DSCAML1: variants seen among roughly 807,000 people sequenced by gnomAD.
The protein encoded by DSCAML1 is cell adhesion molecule DSCAML1.
A neutral mutation model predicts 200.5 loss-of-function variants in DSCAML1; 38 were observed. The ratio of observed to expected loss-of-function variants is 0.19; its 90% confidence interval spans 0.15 to 0.25. DSCAML1 has a LOEUF of 0.25. DSCAML1 is among the 10% of genes least tolerant of loss of function. The pLI is 1.00. For synonymous variants in DSCAML1, 1,215 were observed against 1,165.0 expected, an observed-to-expected ratio of 1.04 and a Z score of -0.87; for missense variants, 2,223 against 2,858.8, an observed-to-expected ratio of 0.78 and a Z score of 5.07.
At chr11:117,476,839 G>A (rs2137197696) in intron 14 of DSCAML1, among the ~76,000 whole-genome samples, 1 of 152,254 alleles carries the variant, frequency 6.6e-6, no homozygotes, top group Non-Finnish European at 1.5e-5. Context: ...AGAAATCCTG[G>A]CAAAGGCACA....
At chr11:117,702,552 C>T (rs141583729) in intron 3 of DSCAML1, among the ~76,000 whole-genome samples, 32 of 152,228 alleles carry the variant, frequency 2.1e-4, no homozygotes, top group Non-Finnish European at 4.7e-4. Context: ...AATTCCCATT[C>T]CACACTGTCA....
rs115328529 is a variant in DSCAML1 at position 117,759,006 on chromosome 11, C to T, written c.511+17785G>A. ...AGCAACTCCATCTTGCAAACACACACGCTGATATGCACATTAACTAATTCT... is the reference window on the plus strand; with the variant it reads ...AGCAACTCCATCTTGCAAACACACATGCTGATATGCACATTAACTAATTCT... On this transcript the variant is annotated intron_variant, in intron 3 of 32. Transcript: ENST00000651296. Among the ~76,000 whole-genome samples the T allele has an allele frequency of 2.3e-3, 355 of 152,292 alleles. 2 individuals are homozygous for T. Among genetic ancestry groups the T allele is most frequent in the African/African-American group, 8.1e-3 (336 of 41,552 alleles).
At chr11:117,726,899 C>A (rs912194169) in intron 3 of DSCAML1, among the ~76,000 whole-genome samples, 1 of 151,958 alleles carries the variant, frequency 6.6e-6, no homozygotes, top group African/African-American at 2.4e-5. Flanking sequence ...GGGTAGCAGC[C>A]AAAGCAACAG....
chr11:117,508,510 C>T (rs147167568), intron 8 of DSCAML1, among the ~76,000 whole-genome samples: 9 of 151,480 alleles, frequency 5.9e-5, no homozygotes, highest in African/African-American at 1.7e-4. Flanking sequence ...GCAGGGGGTA[C>T]GGCAAGCACA....
chr11:117,505,580 C>G lies in DSCAML1; in HGVS notation c.1936G>C (p.Glu646Gln), dbSNP rs1416341283. The change falls in exon 9 of 33, where the codon GAG becomes CAG. Residue 646 changes from glutamate to glutamine, a missense_variant. Coordinates refer to ENST00000651296, the MANE Select transcript of DSCAML1 (RefSeq NM_020693.4). The surrounding 1 kb of genome is among the most constrained non-coding windows in gnomAD (Gnocchi z 6.7). ...VIISGSGVTIESKEFMSSLQI... is the reference protein window; with the variant it reads ...VIISGSGVTIQSKEFMSSLQI... ...AGGGAGCTCATGAATTCCTTGCTCT[C>G]GATGGTCACGCCCGAGCCTGAGATG... is the stretch of plus-strand genomic sequence containing the variant. The G allele has an allele frequency of 6.2e-7, 1 of 1,613,764 alleles. No individual in the cohort carries two copies. The highest frequency in any genetic ancestry group is 1.7e-5 in the Admixed American group (1 of 60,026).
At chr11:117,619,839 T>A (rs1023683651) in intron 3 of DSCAML1, among the ~76,000 whole-genome samples, 1 of 152,296 alleles carries the variant, frequency 6.6e-6, no homozygotes, top group East Asian at 1.9e-4. Context: ...CAAATTCTTG[T>A]GGCAGGTCAC....
intron 3 of DSCAML1, among the ~76,000 whole-genome samples, chr11:117,693,494 AC>A (rs928466074): frequency 2.6e-5 from 4 of 151,912 alleles, no homozygotes; most frequent in African/African-American, 9.7e-5. Flanking sequence ...CAAGCCCTGC[AC>A]CCCCCCATTT....
intron 3 of DSCAML1, among the ~76,000 whole-genome samples, chr11:117,771,595 G>A (rs746091696): frequency 1.3e-5 from 2 of 152,152 alleles, no homozygotes; most frequent in South Asian, 2.1e-4. Flanking sequence ...AAGGACACCC[G>A]ATTCCTAATG....
intron 3 of DSCAML1, among the ~76,000 whole-genome samples, chr11:117,673,457 G>T (rs924514357): frequency 6.6e-6 from 1 of 152,096 alleles, no homozygotes; most frequent in African/African-American, 2.4e-5. Context: ...TTTTCATGGG[G>T]GTTTATCCCA....
chr11:117,433,186 G>A lies in DSCAML1; in HGVS notation c.4978C>T (p.Pro1660Ser), dbSNP rs1252500485. The change falls in exon 29 of 33, where the codon CCC becomes TCC. Residue 1660 changes from proline to serine, a missense_variant. Coordinates refer to ENST00000651296, the MANE Select transcript of DSCAML1 (RefSeq NM_020693.4). ...PQGPRLHIDI[P>S]RVQLLIEDKE... Reference sequence around the variant, plus strand: ...TCCTCGATGAGCAGCTGGACCCTGGGGATGTCAATGTGTAGCCGTGGGCCC... The same window carrying A: ...TCCTCGATGAGCAGCTGGACCCTGGAGATGTCAATGTGTAGCCGTGGGCCC... 9 of 1,614,026 alleles carry A rather than the reference G, an allele frequency of 5.6e-6. No homozygotes were observed. Among genetic ancestry groups the A allele is most frequent in the Non-Finnish European group, 7.6e-6 (9 of 1,180,022 alleles).
chr11:117,489,807 G>A lies in DSCAML1; in HGVS notation c.2360-7645C>T, dbSNP rs932157721. On this transcript the variant is annotated intron_variant, in intron 11 of 32. Transcript: ENST00000651296. This position sits in a 1 kb window ranked among gnomAD's most constrained non-coding sequence, Gnocchi z 4.8. ...TCTCCTGCGGGGCATCCCCTGCATGGCACGTGTCCTCCGGCAGCGTCCTTG... is the reference window on the plus strand; with the variant it reads ...TCTCCTGCGGGGCATCCCCTGCATGACACGTGTCCTCCGGCAGCGTCCTTG... Among the ~76,000 whole-genome samples, 10 of 152,194 alleles carry A rather than the reference G, an allele frequency of 6.6e-5. No individual in the cohort carries two copies. The highest frequency in any genetic ancestry group is 1.5e-4 in the Non-Finnish European group (10 of 68,020).
intron 2 of DSCAML1, among the ~76,000 whole-genome samples, chr11:117,779,578 T>C (rs1565280085): frequency 6.6e-6 from 1 of 152,146 alleles, no homozygotes; most frequent in Non-Finnish European, 1.5e-5. Flanking sequence ...AGTTGCATGA[T>C]AGAACACTAG....
At chr11:117,461,317 T>G in intron 18 of DSCAML1, 133 bp downstream of exon 18, 3 of 1,279,146 alleles carry the variant, frequency 2.3e-6, no homozygotes, top group Non-Finnish European at 3.3e-6. Context: ...GGTCTCCCCG[T>G]GTGGAGAAGA....
intron 3 of DSCAML1, among the ~76,000 whole-genome samples, chr11:117,582,780 G>A (rs190241273): frequency 1.3e-4 from 20 of 152,276 alleles, no homozygotes; most frequent in Admixed American, 2.6e-4. Flanking sequence ...TGGTGTCTGC[G>A]TAGGGATATT....
chr11:117,486,161 C>T (rs868538764), intron 11 of DSCAML1, among the ~76,000 whole-genome samples: 1 of 152,170 alleles, frequency 6.6e-6, no homozygotes, highest in Non-Finnish European at 1.5e-5. Flanking sequence ...TCCTCGCCAG[C>T]GCAAGTGAAT....
At chr11:117,560,521 T>G (rs2050642051) in intron 3 of DSCAML1, among the ~76,000 whole-genome samples, 1 of 152,200 alleles carries the variant, frequency 6.6e-6, no homozygotes, top group Non-Finnish European at 1.5e-5. Flanking sequence ...GACAGACAGT[T>G]AACTCACGGG....
chr11:117,795,639 C>T (rs1049796834), intron 1 of DSCAML1, among the ~76,000 whole-genome samples: 1 of 152,180 alleles, frequency 6.6e-6, no homozygotes, highest in Non-Finnish European at 1.5e-5. Context: ...TTCCTTGTCC[C>T]GCAATCCGAT....
At position 117,604,811 on chromosome 11, in the gene DSCAML1, C is replaced by T. The variant is rs564572510; in HGVS notation, c.512-72289G>A. Among the ~76,000 whole-genome samples the T allele has an allele frequency of 6.5e-4, 99 of 152,306 alleles. 1 individual carries two copies. The highest frequency in any genetic ancestry group is 3.4e-3 in the Middle Eastern group (1 of 294). On this transcript the variant is annotated intron_variant, in intron 3 of 32. Transcript: ENST00000651296. ...GACTAGCAATGGAAAAAGATCTCTC[C>T]CATGCCGCTCTGTCTGCCCGTGGCT...
At chr11:117,736,324 T>C (rs1025791982) in intron 3 of DSCAML1, among the ~76,000 whole-genome samples, 3 of 152,208 alleles carry the variant, frequency 2.0e-5, no homozygotes, top group African/African-American at 4.8e-5. Flanking sequence ...TTCCTCACCA[T>C]GTGGGCATCT....
Sources: allele counts gnomAD v4.1 joint callset (sites outside exome capture counted in the v4.1 genomes callset), GRCh38; gene constraint gnomAD v4.1.1; non-coding constraint Gnocchi (gnomAD v3.1); transcripts MANE v1.5; gene names NCBI Gene and HGNC (gene_info 2026-07-23, HGNC 2026-07-21).